Variants in LRRC4C observed in about 807,000 individuals in gnomAD.
LRRC4C encodes leucine-rich repeat-containing protein 4C.
Under a neutral mutation model 33.6 loss-of-function variants are expected in LRRC4C, and 5 were observed. That is an observed-to-expected ratio of 0.15 (90% CI 0.08 to 0.31). The LOEUF is 0.31. Ranked by LOEUF, LRRC4C falls within the 10% of genes least tolerant of loss-of-function variation. The pLI, the probability that LRRC4C is intolerant of heterozygous loss-of-function variation, is 1.00. For synonymous variants in LRRC4C, 329 were observed against 302.0 expected (o/e 1.09, Z -0.93); for missense variants, 560 against 796.7 (o/e 0.70, Z 3.58).
chr11:41,014,534 G>T (rs1213409330), intron 1 of LRRC4C, among the ~76,000 whole-genome samples: 1 of 150,330 alleles, frequency 6.7e-6, no homozygotes, highest in Non-Finnish European at 1.5e-5. Context: ...GTTTTTATTG[G>T]ATACCATGAT....
At chr11:40,357,013 T>C (rs1430568600) in intron 3 of LRRC4C, among the ~76,000 whole-genome samples, 1 of 152,190 alleles carries the variant, frequency 6.6e-6, no homozygotes, top group Non-Finnish European at 1.5e-5. Context: ...CTTGCTTGAA[T>C]ACAAAGTCTA....
intron 2 of LRRC4C, among the ~76,000 whole-genome samples, chr11:40,675,237 T>C (rs1434629576): frequency 1.3e-5 from 2 of 152,122 alleles, no homozygotes; most frequent in Non-Finnish European, 2.9e-5. Context: ...AATCAGAAAG[T>C]GTATCTACTT....
At chr11:40,721,293 C>T (rs1306270192) in intron 2 of LRRC4C, among the ~76,000 whole-genome samples, 1 of 152,138 alleles carries the variant, frequency 6.6e-6, no homozygotes, top group Non-Finnish European at 1.5e-5. Flanking sequence ...AGTTTGTTTT[C>T]CATTTGTGCC....
intron 2 of LRRC4C, among the ~76,000 whole-genome samples, chr11:40,684,254 T>C (rs1016372434): frequency 6.6e-6 from 1 of 152,120 alleles, no homozygotes; most frequent in African/African-American, 2.4e-5. Context: ...AGTAATTCAA[T>C]TTTTGAATAA....
intron 3 of LRRC4C, among the ~76,000 whole-genome samples, chr11:40,501,255 C>A (rs1393242295): frequency 6.6e-6 from 1 of 152,158 alleles, no homozygotes; most frequent in Non-Finnish European, 1.5e-5. Flanking sequence ...TGTGGCTTTT[C>A]CAGGCACACA....
intron 3 of LRRC4C, among the ~76,000 whole-genome samples, chr11:40,518,358 C>T (rs1167810694): frequency 2.0e-5 from 3 of 151,960 alleles, no homozygotes; most frequent in Admixed American, 6.6e-5. Context: ...TGCAATCTAT[C>T]CAATTGACAA....
chr11:40,190,029 T>C (rs1379486267), intron 5 of LRRC4C, among the ~76,000 whole-genome samples: 1 of 152,168 alleles, frequency 6.6e-6, no homozygotes, highest in Non-Finnish European at 1.5e-5. Context: ...AGAAACTTCA[T>C]ATCCAGCAAC....
chr11:40,694,118 A>C (rs1417627357), intron 2 of LRRC4C, among the ~76,000 whole-genome samples: 1 of 152,184 alleles, frequency 6.6e-6, no homozygotes, highest in East Asian at 1.9e-4. Context: ...TGTAGCTGGA[A>C]GTAATTGAAC....
chr11:40,592,347 T>G (rs926886717), intron 3 of LRRC4C, among the ~76,000 whole-genome samples: 7 of 152,268 alleles, frequency 4.6e-5, no homozygotes, highest in Non-Finnish European at 7.4e-5. Flanking sequence ...GAGGGGTGGC[T>G]GAAACACAAA....
At chr11:40,513,990 C>T (rs117756727) in intron 3 of LRRC4C, among the ~76,000 whole-genome samples, 2 of 152,318 alleles carry the variant, frequency 1.3e-5, no homozygotes, top group Non-Finnish European at 2.9e-5. Context: ...AGAATCTTCA[C>T]TTCCACTATG....
chr11:41,411,140 C>CTTTTTTTTTTTTTTTTTT (rs1249968357), intron 1 of LRRC4C, among the ~76,000 whole-genome samples: 9 of 49,912 alleles, frequency 1.8e-4, no homozygotes, highest in African/African-American at 7.3e-4. Context: ...GGTTGGTACC[C>CTTTTTTTTTTTTTTTTTT]TATTTTTTTT....
intron 4 of LRRC4C, among the ~76,000 whole-genome samples, chr11:40,245,164 A>T (rs1044285667): frequency 1.1e-4 from 16 of 152,136 alleles, no homozygotes; most frequent in African/African-American, 3.9e-4. Context: ...ACCAACTAGG[A>T]ATTGTGTTCA....
At chr11:40,320,835 A>G (rs1945807787) in intron 3 of LRRC4C, among the ~76,000 whole-genome samples, 1 of 152,194 alleles carries the variant, frequency 6.6e-6, no homozygotes, top group Non-Finnish European at 1.5e-5. Flanking sequence ...TGTGGAAGCA[A>G]AACTCCCATG....
At chr11:40,311,435 T>G (rs1945300012) in intron 4 of LRRC4C, among the ~76,000 whole-genome samples, 1 of 152,152 alleles carries the variant, frequency 6.6e-6, no homozygotes, top group Admixed American at 6.5e-5. Context: ...GAGTGCTCAA[T>G]GAGGACAATG....
At chr11:40,482,591 T>A (rs1242111577) in intron 3 of LRRC4C, among the ~76,000 whole-genome samples, 1 of 152,036 alleles carries the variant, frequency 6.6e-6, no homozygotes. Context: ...CACCTCAGCC[T>A]CCTGAGTAGC....
At chr11:40,274,825 A>T (rs1590882770) in intron 4 of LRRC4C, among the ~76,000 whole-genome samples, 1 of 152,074 alleles carries the variant, frequency 6.6e-6, no homozygotes, top group Admixed American at 6.6e-5. Flanking sequence ...ATGGAATGTC[A>T]CCTTTGACAG....
chr11:40,931,390 T>G (rs1957614658), intron 2 of LRRC4C, among the ~76,000 whole-genome samples: 2 of 152,144 alleles, frequency 1.3e-5, no homozygotes. Flanking sequence ...ACAACCAATT[T>G]TTTAGACACG....
intron 3 of LRRC4C, among the ~76,000 whole-genome samples, chr11:40,576,253 T>C (rs1416488190): frequency 6.6e-6 from 1 of 152,210 alleles, no homozygotes; most frequent in Non-Finnish European, 1.5e-5. Flanking sequence ...GACACCAGGT[T>C]TTAGTACCTT....
chr11:40,500,512 C>T (rs1370579398), intron 3 of LRRC4C, among the ~76,000 whole-genome samples: 2 of 151,720 alleles, frequency 1.3e-5, no homozygotes, highest in Non-Finnish European at 2.9e-5. Flanking sequence ...GCTCAGGAGG[C>T]CTCACAATCA....
Sources: allele counts gnomAD v4.1 joint callset (sites outside exome capture counted in the v4.1 genomes callset), GRCh38; gene constraint gnomAD v4.1.1; transcripts MANE v1.5; gene names NCBI Gene and HGNC (gene_info 2026-07-23, HGNC 2026-07-21).